CDKN2B-AS1: variants seen among roughly 807,000 people sequenced by gnomAD.
CDKN2B-AS1 encodes the protein CDKN2B and CDKN2A antisense cis and trans regulatory RNA 1.
At chr9:22,038,549 T>A (rs890490326) in intron 1 of CDKN2B-AS1, among the ~76,000 whole-genome samples, 3 of 152,026 alleles carry the variant, frequency 2.0e-5, no homozygotes, top group Non-Finnish European at 4.4e-5. Flanking sequence ...TAAATATCCA[T>A]ACTTGGGATG....
intron 4 of CDKN2B-AS1, among the ~76,000 whole-genome samples, chr9:22,114,069 A>G (rs72654247): frequency 0.021 from 3,244 of 152,262 alleles, 47 homozygotes; most frequent in Middle Eastern, 0.088. Context: ...ACCAAAAACA[A>G]TGGAATCTTT....
At chr9:22,072,510 C>G (rs1237688063) in intron 4 of CDKN2B-AS1, among the ~76,000 whole-genome samples, 3 of 152,320 alleles carry the variant, frequency 2.0e-5, no homozygotes, top group South Asian at 2.1e-4. Flanking sequence ...TGCGCCTGCA[C>G]ATGTAGCTTA....
At chr9:22,087,670 C>T (rs913387456) in intron 4 of CDKN2B-AS1, among the ~76,000 whole-genome samples, 4 of 152,078 alleles carry the variant, frequency 2.6e-5, no homozygotes, top group Non-Finnish European at 5.9e-5. Context: ...CTGATGTTTT[C>T]CTAATTTCTG....
intron 4 of CDKN2B-AS1, among the ~76,000 whole-genome samples, chr9:22,089,921 C>T (rs1825009630): frequency 6.6e-6 from 1 of 152,014 alleles, no homozygotes; most frequent in African/African-American, 2.4e-5. Context: ...TGGTGTGCTG[C>T]ACCCAGTAAC....
intron 4 of CDKN2B-AS1, among the ~76,000 whole-genome samples, chr9:22,072,248 T>C (rs146790417): frequency 2.5e-4 from 38 of 152,344 alleles, no homozygotes; most frequent in African/African-American, 8.7e-4. Flanking sequence ...ACTTAATTCC[T>C]TGATAGGTTC....
chr9:22,095,881 C>G (rs1291763945), intron 4 of CDKN2B-AS1, among the ~76,000 whole-genome samples: 2 of 151,178 alleles, frequency 1.3e-5, no homozygotes, highest in East Asian at 1.9e-4. Context: ...GGTTTAAAGT[C>G]TGTTTTATCA....
intron 1 of CDKN2B-AS1, chr9:22,004,480 CCCCT>C (rs921961857): frequency 4.3e-6 from 1 of 232,506 alleles, no homozygotes; most frequent in Non-Finnish European, 8.5e-6. Flanking sequence ...GAGAAGGGAA[CCCCT>C]GTGAACCTTT....
At chr9:22,046,599 G>T (rs1051818593) in intron 1 of CDKN2B-AS1, 1 of 152,132 alleles carries the variant, frequency 6.6e-6, no homozygotes, top group East Asian at 1.9e-4. Context: ...TTGAGTATAG[G>T]TATACCATAT....
chr9:22,035,630 T>G (rs578167819), intron 1 of CDKN2B-AS1, among the ~76,000 whole-genome samples: 1 of 152,250 alleles, frequency 6.6e-6, no homozygotes, highest in Non-Finnish European at 1.5e-5. Flanking sequence ...ACCAATATAT[T>G]GGCTGCTTCT....
chr9:21,995,276 G>C lies in CDKN2B-AS1; in HGVS notation n.29+115G>C, dbSNP rs544572683. On this transcript the variant is annotated intron_variant and non_coding_transcript_variant, in intron 1 of 4. Transcript: ENST00000650946. The surrounding 1 kb of genome is among the most constrained non-coding windows in gnomAD (Gnocchi z 5.7). The stretch of plus-strand genomic sequence containing the variant: ...ACAAGCACCGAGTCCTTTGTGTCTA[G>C]CCCATTTTTATTTTCGGTTTTAACC... The C allele has an allele frequency of 6.6e-6, 1 of 152,396 alleles. No individual in the cohort carries two copies. Among genetic ancestry groups the C allele is most frequent in the East Asian group, 1.9e-4 (1 of 5,164 alleles). 9.4% of individuals were successfully genotyped at this position (152,396 alleles called of 1,614,324 possible).
intron 1 of CDKN2B-AS1, among the ~76,000 whole-genome samples, chr9:22,044,865 T>C (rs1215145127): frequency 6.6e-6 from 1 of 152,176 alleles, no homozygotes; most frequent in Non-Finnish European, 1.5e-5. Context: ...TATGTTTCAC[T>C]AGGATGCTGA....
intron 4 of CDKN2B-AS1, chr9:22,058,454 C>T (rs1473784631): frequency 6.6e-6 from 1 of 152,202 alleles, no homozygotes; most frequent in Admixed American, 6.5e-5. Context: ...TTATTAGAAA[C>T]ATTTTCTAGC....
chr9:22,065,197 G>T (rs764185109), intron 4 of CDKN2B-AS1, among the ~76,000 whole-genome samples: 1 of 152,174 alleles, frequency 6.6e-6, no homozygotes, highest in Non-Finnish European at 1.5e-5. Flanking sequence ...CCGTCCAGAA[G>T]TTCCATCTCT....
chr9:22,015,448 G>A (rs1314205710), intron 1 of CDKN2B-AS1, among the ~76,000 whole-genome samples: 1 of 151,958 alleles, frequency 6.6e-6, no homozygotes, highest in Non-Finnish European at 1.5e-5. Flanking sequence ...AAATTGTTTG[G>A]TCATTCTGAA....
rs1587363021 is a variant in CDKN2B-AS1 at position 21,996,149 on chromosome 9, T to A, written n.29+988T>A. On this transcript the variant is annotated intron_variant and non_coding_transcript_variant, in intron 1 of 4. Coordinates refer to ENST00000650946, the Ensembl canonical transcript of CDKN2B-AS1. The surrounding 1 kb of genome is among the most constrained non-coding windows in gnomAD (Gnocchi z 5.4). Reference sequence around the variant, plus strand: ...TGGCCGAGCCACCCACTTAAGGCGGTGCGGTAGCCTAGAGGAGCGGCAGAC... The same window carrying A: ...TGGCCGAGCCACCCACTTAAGGCGGAGCGGTAGCCTAGAGGAGCGGCAGAC... 1 of 152,218 alleles carries A rather than the reference T, an allele frequency of 6.6e-6. No homozygotes were observed. Among genetic ancestry groups the A allele is most frequent in the Non-Finnish European group, 1.5e-5 (1 of 68,132 alleles). The allele number at this position is 152,218 out of a possible 1,614,324, so 9.4% of individuals were successfully genotyped here.
chr9:22,106,891 A>C (rs1825673836), intron 4 of CDKN2B-AS1, among the ~76,000 whole-genome samples: 1 of 152,226 alleles, frequency 6.6e-6, no homozygotes, highest in African/African-American at 2.4e-5. Flanking sequence ...CTCATTTTAT[A>C]AATGAGGAAA....
At chr9:22,123,290 C>T (rs1826136160) in intron 4 of CDKN2B-AS1, among the ~76,000 whole-genome samples, 1 of 152,184 alleles carries the variant, frequency 6.6e-6, no homozygotes, top group Admixed American at 6.6e-5. Flanking sequence ...ATCATGTCAT[C>T]TGCAAACAGG....
At chr9:22,064,537 G>T (rs1310866138) in intron 4 of CDKN2B-AS1, among the ~76,000 whole-genome samples, 4 of 152,206 alleles carry the variant, frequency 2.6e-5, no homozygotes, top group Non-Finnish European at 5.9e-5. Context: ...AGCATATGAG[G>T]ATTATAGGAA....
In CDKN2B-AS1 at chr9:22,005,416, CA is replaced by C. The variant is rs1156868868; in HGVS notation, n.29+10256del. On this transcript the variant is annotated intron_variant and non_coding_transcript_variant, in intron 1 of 4. Transcript: ENST00000650946. The surrounding 1 kb of genome is among the most constrained non-coding windows in gnomAD (Gnocchi z 4.9). ...AGTGTCGTTTACGCATGTGACTTGC[CA>C]TGCGCTCAAACTAAAGCGCCGCCGG... The C allele has an allele frequency of 4.0e-6, 1 of 247,276 alleles. No individual in the cohort carries two copies. The allele number at this position is 247,276 out of a possible 1,614,324, so 15.3% of individuals were successfully genotyped here.
Sources: allele counts gnomAD v4.1 joint callset (sites outside exome capture counted in the v4.1 genomes callset), GRCh38; gene constraint gnomAD v4.1.1; non-coding constraint Gnocchi (gnomAD v3.1); transcripts MANE v1.5; gene names NCBI Gene and HGNC (gene_info 2026-07-23, HGNC 2026-07-21).